The following TPD52 variants were observed in gnomAD, a reference collection of about 807,000 sequenced individuals.
TPD52 encodes the protein prostate and colon associated protein.
In TPD52, 17 loss-of-function variants were observed where a neutral mutation model predicts 31.3. That is an observed-to-expected ratio of 0.54 (90% CI 0.37 to 0.82). The LOEUF (loss-of-function observed/expected upper bound fraction) is 0.82, where lower values mean the gene tolerates loss of function less well. TPD52 is among the 40% of genes least tolerant of loss of function. TPD52 has a pLI of 0.00. For missense variants in TPD52, 212 were observed against 240.1 expected (o/e 0.88, Z 0.77); for synonymous variants, 83 against 89.6 (o/e 0.93, Z 0.42).
At chr8:80,047,442 G>C (rs1052122681) in intron 5 of TPD52, among the ~76,000 whole-genome samples, 1 of 152,062 alleles carries the variant, frequency 6.6e-6, no homozygotes, top group African/African-American at 2.4e-5. Context: ...CAAACAGGAG[G>C]GGAAATATAA....
chr8:80,132,229 T>C (rs889664873), intron 1 of TPD52, among the ~76,000 whole-genome samples: 3 of 152,086 alleles, frequency 2.0e-5, no homozygotes, highest in African/African-American at 7.2e-5. Flanking sequence ...TGCTACTGTT[T>C]GTGTGAGGAT....
At chr8:80,052,648 G>A (rs993516235) in intron 3 of TPD52, 25 of 1,288,916 alleles carry the variant, frequency 1.9e-5, no homozygotes, top group Non-Finnish European at 2.3e-5. Flanking sequence ...AGAGCAGTTC[G>A]GTTTCTGCTG....
At chr8:80,086,558 TAG>T in intron 1 of TPD52, among the ~76,000 whole-genome samples, 1 of 152,230 alleles carries the variant, frequency 6.6e-6, no homozygotes, top group South Asian at 2.1e-4. Context: ...GACCTCAGAT[TAG>T]ATAAAAGTCT....
intron 2 of TPD52, among the ~76,000 whole-genome samples, chr8:80,060,575 T>C (rs1459393037): frequency 1.3e-5 from 2 of 151,896 alleles, no homozygotes; most frequent in Non-Finnish European, 2.9e-5. Context: ...GCAGCCCATA[T>C]CTCCTATGAA....
intron 1 of TPD52, among the ~76,000 whole-genome samples, chr8:80,095,196 G>C (rs1816640678): frequency 6.6e-6 from 1 of 152,012 alleles, no homozygotes; most frequent in Non-Finnish European, 1.5e-5. Context: ...GCACTAAAAA[G>C]AAATGAACTA....
At chr8:80,119,763 T>C (rs1312671149) in intron 1 of TPD52, 3 of 335,820 alleles carry the variant, frequency 8.9e-6, no homozygotes, top group South Asian at 2.4e-5. Context: ...TTGAAACAAG[T>C]CCAGAAATAG....
chr8:80,044,101 G>A (rs1810612359), intron 6 of TPD52, 66 bp downstream of exon 6: 2 of 1,372,562 alleles, frequency 1.5e-6, no homozygotes, highest in Non-Finnish European at 1.0e-6. Flanking sequence ...AACAGTTCAA[G>A]TTAAACATCT....
intron 1 of TPD52, among the ~76,000 whole-genome samples, chr8:80,128,513 T>A (rs1266299053): frequency 1.7e-3 from 100 of 58,046 alleles, no homozygotes; most frequent in African/African-American, 3.2e-3. Context: ...AAAAAAAAAA[T>A]GCTGGGCATG....
At position 80,129,943 on chromosome 8, in the gene TPD52, T is replaced by C. The variant is rs954394977; in HGVS notation, c.19+41482A>G. 2.0e-5 allele frequency among the ~76,000 whole-genome samples: 3 copies of C among 152,310 alleles called. No homozygotes were observed. In the East Asian group the frequency reaches 5.8e-4, roughly 29 times the overall value. The stretch of plus-strand genomic sequence containing the variant: ...TCTATCTCTTGACCTCATGATCCAC[T>C]GGCCTTGGCCTCCCAAAGTGCTGGG... On this transcript the variant is annotated intron_variant, in intron 1 of 7. Coordinates refer to ENST00000518937, the MANE Select transcript of TPD52 (RefSeq NM_001025253.3).
chr8:80,080,285 CA>C (rs767059694), intron 1 of TPD52: 1 of 1,604,390 alleles, frequency 6.2e-7, no homozygotes, highest in Non-Finnish European at 8.5e-7. Context: ...TTATTCCAAG[CA>C]AACTTAACTT....
chr8:80,031,398 A>G (rs1229151117), downstream of TPD52, among the ~76,000 whole-genome samples: 1 of 152,232 alleles, frequency 6.6e-6, no homozygotes, highest in Non-Finnish European at 1.5e-5. Flanking sequence ...CAAATTCATT[A>G]AATTCTCCAG....
At chr8:80,042,477 C>T in intron 7 of TPD52, 143 bp downstream of exon 7, 3 of 1,422,570 alleles carry the variant, frequency 2.1e-6, no homozygotes, top group Non-Finnish European at 2.8e-6. Flanking sequence ...CTTAAATGTC[C>T]ACTAGTAACA....
chr8:80,099,509 C>CTT lies in TPD52; in HGVS notation c.20-34918_20-34917dup, dbSNP rs756408673. Among the ~76,000 whole-genome samples, 779 of 134,558 alleles carry CTT rather than the reference C, an allele frequency of 5.8e-3. 8 individuals are homozygous for CTT. Among genetic ancestry groups the CTT allele is most frequent in the African/African-American group, 0.019 (685 of 36,492 alleles). The allele number at this position is 134,558 out of a possible 152,430, so 88.3% of individuals were successfully genotyped here. ...ACAAAACTGGATGGTGGTCTAACATCTTTTTTTTTTTTTTTTTTTGAGATG... is the reference window on the plus strand; with the variant it reads ...ACAAAACTGGATGGTGGTCTAACATCTTTTTTTTTTTTTTTTTTTTTGAGATG... On this transcript the variant is annotated intron_variant, in intron 1 of 7. Transcript: ENST00000518937.
At chr8:80,134,154 TTAA>T (rs1809224353) in intron 1 of TPD52, among the ~76,000 whole-genome samples, 1 of 152,232 alleles carries the variant, frequency 6.6e-6, no homozygotes, top group Non-Finnish European at 1.5e-5. Context: ...TTCAAAACCA[TTAA>T]GTAATTGTAG....
intron 1 of TPD52, among the ~76,000 whole-genome samples, chr8:80,146,224 G>A (rs901146277): frequency 2.0e-5 from 3 of 152,146 alleles, no homozygotes; most frequent in East Asian, 3.8e-4. Context: ...CACTGAAGTC[G>A]TGCAAAAAAA....
At chr8:80,081,919 T>C (rs1325781200) in intron 1 of TPD52, among the ~76,000 whole-genome samples, 2 of 152,208 alleles carry the variant, frequency 1.3e-5, no homozygotes, top group African/African-American at 4.8e-5. Flanking sequence ...TTCTCCTGCC[T>C]CAGCCTCCCA....
At chr8:80,144,425 C>T (rs78564272) in intron 1 of TPD52, among the ~76,000 whole-genome samples, 1,870 of 152,300 alleles carry the variant, frequency 0.012, 24 homozygotes, top group South Asian at 0.035. Flanking sequence ...ACCAACTAGG[C>T]ACTTCCAGCT....
chr8:80,137,573 C>A (rs528344422), intron 1 of TPD52, among the ~76,000 whole-genome samples: 65 of 152,216 alleles, frequency 4.3e-4, no homozygotes, highest in African/African-American at 1.3e-3. Context: ...TCATAACAGC[C>A]GCTCTGGGAG....
In TPD52 at chr8:80,038,221, TC is replaced by T; in HGVS notation, c.518del (p.Gly173GlufsTer13). 1 of 1,613,808 alleles carries T rather than the reference TC, an allele frequency of 6.2e-7. No homozygotes were observed. The highest frequency in any genetic ancestry group is 8.5e-7 in the Non-Finnish European group (1 of 1,179,900). Reference sequence around the variant, plus strand: ...CAAAATCACCACCAGCAGGCTTGGTTCCCCCTACTTTAGACTTAAAAAAAAG... The same window carrying T: ...CAAAATCACCACCAGCAGGCTTGGTTCCCCTACTTTAGACTTAAAAAAAAG... ...KVENLKSKVG[G>X]TKPAGGDFGE... On this transcript the variant is annotated frameshift_variant, in exon 8 of 8. Coordinates refer to ENST00000518937, the MANE Select transcript of TPD52 (RefSeq NM_001025253.3). LOFTEE classifies it high-confidence loss of function.
Sources: allele counts gnomAD v4.1 joint callset (sites outside exome capture counted in the v4.1 genomes callset), GRCh38; gene constraint gnomAD v4.1.1; transcripts MANE v1.5; gene names NCBI Gene and HGNC (gene_info 2026-07-23, HGNC 2026-07-21).